LAMA5: variants seen among roughly 807,000 people sequenced by gnomAD.
The protein encoded by LAMA5 is laminin subunit alpha-5.
A neutral mutation model predicts 433.4 loss-of-function variants in LAMA5; 260 were observed. The ratio of observed to expected loss-of-function variants is 0.60; its 90% CI spans 0.54 to 0.66. The LOEUF is 0.66. Ranked by LOEUF, LAMA5 falls within the 30% of genes least tolerant of loss-of-function variation. The probability of loss-of-function intolerance (pLI) is 0.00; values close to 1 mark genes in which losing one functional copy is unlikely to be tolerated. For missense variants in LAMA5, 5,378 were observed against 5,258.5 expected (o/e 1.02, Z -0.70); for synonymous variants, 2,620 against 2,226.6 (o/e 1.18, Z -4.97).
rs2146395913 is a variant in LAMA5 at position 62,367,291 on chromosome 20, G to GCGGCGGGAGCC, written c.-57_-47dup. ...TCCCCGAGCTCCAGGGACAGCGCGC[G>GCGGCGGGAGCC]CGGCGGGAGCCCGGCGGGTCTGAAG... On this transcript the variant is annotated 5_prime_UTR_variant, in exon 1 of 80. Transcript: ENST00000252999. 1 of 1,131,692 alleles carries GCGGCGGGAGCC rather than the reference G, an allele frequency of 8.8e-7. No individual in the cohort carries two copies. The highest frequency in any genetic ancestry group is 1.1e-6 in the Non-Finnish European group (1 of 923,566). 70.1% of individuals were successfully genotyped at this position (1,131,692 alleles called of 1,614,324 possible).
chr20:62,320,511 A>C, intron 50 of LAMA5, 48 bp downstream of exon 50: 3 of 1,397,178 alleles, frequency 2.1e-6, no homozygotes, highest in Non-Finnish European at 2.9e-6. Flanking sequence ...ACCGCGGGGA[A>C]CACAGGTGAA....
At position 62,309,795 on chromosome 20, in the gene LAMA5, C is replaced by A. The variant is rs370577513; in HGVS notation, c.10869G>T (p.Ala3623=). ...SGNVLRLEVD[A]QSNHTVGPLL... is the part of the protein sequence containing the mutation. ...AGGGGCCCACGGTGTGGTTGCTCTG[C>A]GCGTCCACCTCCAGCCGGAGCACAT... Residue 3623 remains alanine, a synonymous_variant, in exon 79 of 80, where the codon GCG becomes GCT. Transcript: ENST00000252999. 5.6e-6 allele frequency: 9 copies of A among 1,610,278 alleles called. No homozygotes were observed. Among genetic ancestry groups the A allele is most frequent in the Middle Eastern group, 3.3e-4 (2 of 6,032 alleles).
At chr20:62,362,905 G>A (rs557899649) in intron 1 of LAMA5, among the ~76,000 whole-genome samples, 12 of 152,128 alleles carry the variant, frequency 7.9e-5, no homozygotes, top group African/African-American at 2.9e-4. Context: ...GGGGGTGCCA[G>A]TGCAACGAGC....
At chr20:62,317,086 G>A (rs1320273257) in intron 55 of LAMA5, 63 bp from the exon 56 acceptor site, 5 of 1,466,884 alleles carry the variant, frequency 3.4e-6, no homozygotes, top group Middle Eastern at 2.5e-4. Context: ...TGGCTCTCCA[G>A]CCTCCTGCGC....
chr20:62,351,643 G>C, intron 6 of LAMA5, 61 bp downstream of exon 6: 1 of 1,528,928 alleles, frequency 6.5e-7, no homozygotes, highest in Non-Finnish European at 8.9e-7. Context: ...GGGTGACAAG[G>C]ACAGGCAGGG....
In LAMA5 at chr20:62,352,096, G is replaced by T. The variant is rs1258537424; in HGVS notation, c.688-17C>A. On this transcript the variant is annotated splice_polypyrimidine_tract_variant and intron_variant, in intron 4 of 79. Coordinates refer to ENST00000252999, the MANE Select transcript of LAMA5 (RefSeq NM_005560.6). Reference sequence around the variant, plus strand: ...CACCACGATCTGTGGGCAGTATGCGGTGACGCCAGTGTGGCCCTAGCCCCT... The same window carrying T: ...CACCACGATCTGTGGGCAGTATGCGTTGACGCCAGTGTGGCCCTAGCCCCT... The T allele has an allele frequency of 1.4e-5, 22 of 1,608,984 alleles. No homozygotes were observed. Among genetic ancestry groups the T allele is most frequent in the Non-Finnish European group, 1.7e-5 (20 of 1,179,348 alleles).
chr20:62,362,288 C>A, intron 2 of LAMA5, 112 bp downstream of exon 2: 2 of 1,114,800 alleles, frequency 1.8e-6, no homozygotes, highest in Non-Finnish European at 2.4e-6. Context: ...CCTCCCAGGC[C>A]CCAGGTCTCG....
In LAMA5 at chr20:62,367,092, G is replaced by A. The variant is rs1004874286; in HGVS notation, c.154C>T (p.Leu52=). 1.6e-6 allele frequency: 2 copies of A among 1,275,088 alleles called. No homozygotes were observed. The highest frequency in any genetic ancestry group is 3.1e-5 in the African/African-American group (2 of 64,632). 79.0% of individuals were successfully genotyped at this position (1,275,088 alleles called of 1,614,324 possible). ...GFSLHPPYFN[L]AEGARIAASA... ...GCGGCGATGCGGGCGCCCTCGGCCA[G>A]GTTGAAGTAGGGCGGGTGCAGGCTG... The change falls in exon 1 of 80, where the codon CTG becomes TTG. Residue 52 remains leucine, a synonymous_variant. Transcript: ENST00000252999.
intron 15 of LAMA5, 38 bp from the exon 16 acceptor site, chr20:62,337,765 T>C (rs1288025243): frequency 6.2e-7 from 1 of 1,608,616 alleles, no homozygotes; most frequent in Admixed American, 1.7e-5. Flanking sequence ...CAGTGGAGAC[T>C]GCACCTGCCT....
chr20:62,314,762 T>C (rs113656571), intron 60 of LAMA5, 37 bp from the exon 61 acceptor site: 1 of 1,612,478 alleles, frequency 6.2e-7, no homozygotes, highest in Non-Finnish European at 8.5e-7. Context: ...ACCACCACCC[T>C]CCCTGATGTC....
chr20:62,359,407 G>A lies in LAMA5; in HGVS notation c.450+2993C>T, dbSNP rs550827856. Among the ~76,000 whole-genome samples the A allele has an allele frequency of 7.2e-5, 11 of 152,134 alleles. No individual in the cohort carries two copies. The highest frequency in any genetic ancestry group is 1.6e-4 in the Non-Finnish European group (11 of 68,004). ...GACCCTGCGGCAGAGCCAGGGGGTG[G>A]GGGAGCTCAAGCCAGGACCCGCTGG... is the stretch of plus-strand genomic sequence containing the variant. On this transcript the variant is annotated intron_variant, in intron 2 of 79. Transcript: ENST00000252999. The surrounding 1 kb of genome is among the most constrained non-coding windows in gnomAD (Gnocchi z 4.3).
Position 62,318,523 on chromosome 20 carries a change from C to A in LAMA5, c.7170G>T (p.Arg2390=). 1 of 1,609,720 alleles carries A rather than the reference C, an allele frequency of 6.2e-7. No homozygotes were observed. Among genetic ancestry groups the A allele is most frequent in the South Asian group, 1.1e-5 (1 of 91,062 alleles). The change falls in exon 53 of 80, where the codon CGG becomes CGT. Residue 2390 remains arginine, a synonymous_variant. Coordinates refer to ENST00000252999, the MANE Select transcript of LAMA5 (RefSeq NM_005560.6). ...GLMDLREALN[R]AVDATREAQE... is the part of the protein sequence containing the mutation. ...GGGCCTCCCGTGTGGCGTCCACTGC[C>A]CGGTTCAAAGCCTCTCGCAGGTCCA...
chr20:62,337,497 T>C, intron 16 of LAMA5, 93 bp downstream of exon 16: 1 of 1,497,682 alleles, frequency 6.7e-7, no homozygotes, highest in African/African-American at 1.4e-5. Context: ...AAGATGCACG[T>C]GAACAGCCTC....
rs371962250 is a variant in LAMA5, at chr20:62,334,302, G to A, written c.2623C>T (p.Arg875Cys). 43 of 1,609,786 alleles carry A rather than the reference G, an allele frequency of 2.7e-5. No homozygotes were observed. Among genetic ancestry groups the A allele is most frequent in the Middle Eastern group, 1.7e-4 (1 of 6,018 alleles). Residue 875 changes from arginine (R) to cysteine (C), a missense_variant, in exon 22 of 80, where the codon CGC (arginine) becomes TGC (cysteine). By Grantham distance (180) the Arg-to-Cys change is radical (BLOSUM62 -3). Coordinates refer to ENST00000252999, the MANE Select transcript of LAMA5 (RefSeq NM_005560.6). ...GTGGCAGCCTCCTCCAGCTCCAGGC[G>A]CAGGTGGTGCAGGTCCGGGAGGTAG... Reference protein sequence around the residue: ...DHYLPDLHHLRLELEEAATPE... With the variant: ...DHYLPDLHHLCLELEEAATPE...
rs766057428 is a variant in LAMA5 at position 62,315,217 on chromosome 20, G to A, written c.7868-10C>T. ...TTCTTGCTTGTCTCGTCTGTGGTGG[G>A]CAGAGGGCAGGCTCAGCAGGGGCCA... On this transcript the variant is annotated splice_polypyrimidine_tract_variant and intron_variant, in intron 58 of 79. Transcript: ENST00000252999. 1.3e-6 allele frequency: 2 copies of A among 1,595,840 alleles called. No individual in the cohort carries two copies. The highest frequency in any genetic ancestry group is 4.5e-5 in the East Asian group (2 of 44,602).
At chr20:62,352,962 G>A (rs1568977016) in intron 3 of LAMA5, 172 bp downstream of exon 3, 1 of 559,124 alleles carries the variant, frequency 1.8e-6, no homozygotes, top group East Asian at 3.2e-5. Flanking sequence ...CCAGGGACAG[G>A]AGCCAATAAA....
At chr20:62,334,677 G>A in intron 20 of LAMA5, 56 bp from the exon 21 acceptor site, 1 of 1,396,672 alleles carries the variant, frequency 7.2e-7, no homozygotes, top group Non-Finnish European at 9.7e-7. Context: ...AGCCTCAGGG[G>A]CCCCTCACAG....
intron 51 of LAMA5, among the ~76,000 whole-genome samples, chr20:62,319,452 T>G (rs557233158): frequency 6.6e-6 from 1 of 152,228 alleles, no homozygotes; most frequent in South Asian, 2.1e-4. Context: ...CCGGCACATT[T>G]CCTGGGGAGG....
In LAMA5 at chr20:62,323,784, G is replaced by A. The variant is rs1978767513; in HGVS notation, c.5841C>T (p.Ser1947=). 11 of 1,610,014 alleles carry A rather than the reference G, an allele frequency of 6.8e-6. No homozygotes were observed. The highest frequency in any genetic ancestry group is 2.2e-5 in the East Asian group (1 of 44,776). ...CLCKPGYAGA[S]CERCAPGFFG... ...CCCTAGCCCCAGCTCACCGCTCGCA[G>A]GAGGCACCTGCATAACCAGGTTTGC... The change falls in exon 44 of 80, where the codon TCC becomes TCT. Residue 1947 remains serine, a synonymous_variant. Coordinates refer to ENST00000252999, the MANE Select transcript of LAMA5 (RefSeq NM_005560.6).
Sources: allele counts gnomAD v4.1 joint callset (sites outside exome capture counted in the v4.1 genomes callset), GRCh38; gene constraint gnomAD v4.1.1; non-coding constraint Gnocchi (gnomAD v3.1); transcripts MANE v1.5; gene names NCBI Gene and HGNC (gene_info 2026-07-23, HGNC 2026-07-21).